SFXN5: variants seen among roughly 807,000 people sequenced by gnomAD.
SFXN5 encodes the protein sideroflexin-5.
In SFXN5, 43 loss-of-function variants were observed where a neutral mutation model predicts 50.2. That is an observed-to-expected ratio of 0.86 (90% CI 0.67 to 1.11). The LOEUF is 1.11. Among genes scored for constraint, SFXN5 ranks in the 50% least tolerant of loss-of-function variants. The probability of loss-of-function intolerance (pLI) is 0.00; values close to 1 mark genes in which losing one functional copy is unlikely to be tolerated. For synonymous variants in SFXN5, 203 were observed against 185.8 expected, an observed-to-expected ratio of 1.09 and a Z score of -0.75; for missense variants, 463 against 454.1, an observed-to-expected ratio of 1.02 and a Z score of -0.18.
intron 13 of SFXN5, among the ~76,000 whole-genome samples, chr2:72,947,140 C>G (rs912994147): frequency 2.6e-5 from 4 of 152,224 alleles, no homozygotes; most frequent in African/African-American, 9.6e-5. Context: ...ACTTCTCATA[C>G]CCCACCTCTC....
chr2:73,000,438 G>A lies in SFXN5; in HGVS notation c.461C>T (p.Ala154Val), dbSNP rs369326386. 2.1e-5 allele frequency: 33 copies of A among 1,557,914 alleles called. No individual in the cohort carries two copies. Among genetic ancestry groups the A allele is most frequent in the Non-Finnish European group, 2.6e-5 (30 of 1,149,652 alleles). Residue 154 changes from alanine to valine, a missense_variant, in exon 8 of 14, where the codon GCG becomes GTG. By Grantham distance (64) the Ala-to-Val change is moderately conservative (BLOSUM62 0). Transcript: ENST00000272433. ...GAGGGCAGTGATGCTCACCTTGGTC[G>A]CATTGCGGTTTGCATAGTTGACACA... The part of the protein sequence containing the change: ...NACVNYANRN[A>V]TKPSPASKFI...
chr2:73,010,919 T>C (rs1327970422), intron 6 of SFXN5, among the ~76,000 whole-genome samples: 1 of 151,992 alleles, frequency 6.6e-6, no homozygotes, highest in Non-Finnish European at 1.5e-5. Context: ...ACTAAACACT[T>C]TCATTAGAAG....
At chr2:73,047,545 TG>T (rs1680669336) in intron 2 of SFXN5, among the ~76,000 whole-genome samples, 1 of 151,584 alleles carries the variant, frequency 6.6e-6, no homozygotes, top group South Asian at 2.1e-4. Context: ...AATTGAATCA[TG>T]GGGCAATTTC....
At chr2:73,023,038 CG>C in intron 4 of SFXN5, 149 bp downstream of exon 4, 1 of 686,286 alleles carries the variant, frequency 1.5e-6, no homozygotes, top group Non-Finnish European at 2.4e-6. Context: ...CCTTGAGTGT[CG>C]GGGCAGAAGG....
chr2:73,056,516 T>A (rs534383219), intron 2 of SFXN5, among the ~76,000 whole-genome samples: 1 of 150,862 alleles, frequency 6.6e-6, no homozygotes, highest in Non-Finnish European at 1.5e-5. Context: ...AGAAACCCCA[T>A]CTCTACTAAA....
chr2:72,997,794 T>C (rs1337193098), intron 9 of SFXN5: 1 of 152,212 alleles, frequency 6.6e-6, no homozygotes, highest in Admixed American at 6.5e-5. Flanking sequence ...GGTTTCACCA[T>C]GTTGGCCAGG....
At chr2:73,069,542 C>T (rs1011429929) in intron 1 of SFXN5, among the ~76,000 whole-genome samples, 1 of 152,176 alleles carries the variant, frequency 6.6e-6, no homozygotes, top group Non-Finnish European at 1.5e-5. Context: ...GGATGAATCA[C>T]ATGCAACGTG....
At position 72,945,935 on chromosome 2, in the gene SFXN5, C is replaced by T. The variant is rs915252825; in HGVS notation, c.946-836G>A. 3.3e-5 allele frequency among the ~76,000 whole-genome samples: 5 copies of T among 152,060 alleles called. No homozygotes were observed. Among genetic ancestry groups the T allele is most frequent in the African/African-American group, 1.2e-4 (5 of 41,380 alleles). ...TCCTTGGCCACCCACCCCCTGCTCCCACGCATCCTGGGCAGGTGACACTTC... is the reference window on the plus strand; with the variant it reads ...TCCTTGGCCACCCACCCCCTGCTCCTACGCATCCTGGGCAGGTGACACTTC... On this transcript the variant is annotated intron_variant, in intron 13 of 13. Transcript: ENST00000272433. This position sits in a 1 kb window ranked among gnomAD's most constrained non-coding sequence, Gnocchi z 5.8.
intron 10 of SFXN5, among the ~76,000 whole-genome samples, chr2:72,981,966 TG>T (rs1671356436): frequency 1.0e-3 from 1 of 992 alleles, no homozygotes; most frequent in Non-Finnish European, 5.1e-3. Flanking sequence ...ACTGGAACTT[TG>T]TGTGTGTGTG....
intron 13 of SFXN5, among the ~76,000 whole-genome samples, chr2:72,947,589 C>G (rs1224307874): frequency 6.6e-6 from 1 of 152,210 alleles, no homozygotes; most frequent in African/African-American, 2.4e-5. Context: ...GCCAGCCTGG[C>G]CTTCGGAGAG....
intron 12 of SFXN5, among the ~76,000 whole-genome samples, chr2:72,962,325 TC>T (rs2105389895): frequency 6.6e-6 from 1 of 152,294 alleles, no homozygotes; most frequent in African/African-American, 2.4e-5. Context: ...TAAGGGGCCC[TC>T]CTAGGGGCAG....
At position 72,953,030 on chromosome 2, in the gene SFXN5, T is replaced by C. The variant is rs1435411439; in HGVS notation, c.946-7931A>G. The stretch of plus-strand genomic sequence containing the variant: ...GAAAAAAGAACTGTGGGGGAAAGGC[T>C]GTCAGGCAGCCCCGCCGAGGCCTGC... On this transcript the variant is annotated intron_variant, in intron 13 of 13. Transcript: ENST00000272433. This position sits in a 1 kb window ranked among gnomAD's most constrained non-coding sequence, Gnocchi z 4.1. 6.6e-6 allele frequency among the ~76,000 whole-genome samples: 1 copy of C among 152,208 alleles called. No individual in the cohort carries two copies. The highest frequency in any genetic ancestry group is 1.5e-5 in the Non-Finnish European group (1 of 68,046).
intron 11 of SFXN5, among the ~76,000 whole-genome samples, chr2:72,970,534 T>C (rs1675026689): frequency 6.6e-6 from 1 of 152,018 alleles, no homozygotes; most frequent in Non-Finnish European, 1.5e-5. Context: ...GGAGCAGGGA[T>C]GCATGCTCCA....
At chr2:73,008,081 G>A (rs1302519689) in intron 6 of SFXN5, among the ~76,000 whole-genome samples, 2 of 152,110 alleles carry the variant, frequency 1.3e-5, no homozygotes, top group Non-Finnish European at 2.9e-5. Flanking sequence ...ATGTCAGGAG[G>A]GCCCTGGGAA....
At chr2:72,967,022 A>C (rs1215277167) in intron 12 of SFXN5, among the ~76,000 whole-genome samples, 3 of 152,226 alleles carry the variant, frequency 2.0e-5, no homozygotes, top group African/African-American at 7.2e-5. Flanking sequence ...CAGCCAGTGT[A>C]GCTTGAAGAG....
At chr2:72,982,381 A>C (rs1380275947) in intron 10 of SFXN5, among the ~76,000 whole-genome samples, 1 of 152,262 alleles carries the variant, frequency 6.6e-6, no homozygotes, top group Non-Finnish European at 1.5e-5. Context: ...GAAAAGGTCC[A>C]GAATAAATGT....
chr2:73,050,388 G>GCGCGCACACACACACACA, intron 2 of SFXN5, among the ~76,000 whole-genome samples: 3,141 of 143,860 alleles, frequency 0.022, 70 homozygotes, highest in East Asian at 0.05. Flanking sequence ...CAGCCACAGC[G>GCGCGCACACACACACACA]CACGCACACA....
intron 1 of SFXN5, among the ~76,000 whole-genome samples, chr2:73,065,603 G>A (rs1486343157): frequency 6.6e-6 from 1 of 151,086 alleles, no homozygotes; most frequent in South Asian, 2.1e-4. Context: ...TGCCATGTTG[G>A]CCAGGCTGGT....
At chr2:73,038,351 TG>T (rs1679221799) in intron 3 of SFXN5, among the ~76,000 whole-genome samples, 1 of 152,224 alleles carries the variant, frequency 6.6e-6, no homozygotes, top group African/African-American at 2.4e-5. Context: ...TTACCATGAA[TG>T]GAGCTTGCAG....
Sources: gnomAD v4.1 joint callset for allele counts (sites outside exome capture counted in the v4.1 genomes callset) on GRCh38, gnomAD v4.1.1 for gene constraint, Gnocchi (gnomAD v3.1) non-coding constraint, MANE v1.5 for transcripts, NCBI Gene and HGNC (gene_info 2026-07-23, HGNC 2026-07-21) for gene names.